The following SLCO2B1 variants were observed in gnomAD, a reference collection of about 807,000 sequenced individuals.
SLCO2B1 encodes the protein solute carrier organic anion transporter family member 2B1.
SLCO2B1 carries 41 observed loss-of-function variants against 67.3 expected under a neutral mutation model. The ratio of observed to expected loss-of-function variants is 0.61; its 90% CI spans 0.47 to 0.79. The LOEUF is 0.79. Ranked by LOEUF, SLCO2B1 falls within the 30% of genes least tolerant of loss-of-function variation. The pLI, the probability that SLCO2B1 is intolerant of heterozygous loss-of-function variation, is 0.00. For synonymous variants in SLCO2B1, 379 were observed against 381.4 expected (o/e 0.99, Z 0.07); for missense variants, 837 against 920.1 (o/e 0.91, Z 1.17).
chr11:75,203,035 G>A, intron 12 of SLCO2B1, 70 bp downstream of exon 12: 1 of 1,378,158 alleles, frequency 7.3e-7, no homozygotes, highest in East Asian at 2.3e-5. Flanking sequence ...CCAGGCCTGG[G>A]GCACAGGCAT....
At chr11:75,170,103 G>T (rs1041687992) in intron 6 of SLCO2B1, 4 of 277,288 alleles carry the variant, frequency 1.4e-5, no homozygotes, top group African/African-American at 2.2e-5. Flanking sequence ...CACACATGCT[G>T]TGGGGCAGGT....
chr11:75,171,418 G>A (rs1447005587), intron 6 of SLCO2B1, among the ~76,000 whole-genome samples: 1 of 152,068 alleles, frequency 6.6e-6, no homozygotes, highest in Non-Finnish European at 1.5e-5. Context: ...CATCACACCT[G>A]GGTAACTTTT....
chr11:75,183,085 A>G (rs888602207), intron 7 of SLCO2B1, among the ~76,000 whole-genome samples: 2 of 152,252 alleles, frequency 1.3e-5, no homozygotes, highest in Admixed American at 6.5e-5. Context: ...GTCCAAAAGA[A>G]ATGTTATATG....
At chr11:75,170,490 C>T (rs1464917810) in intron 6 of SLCO2B1, among the ~76,000 whole-genome samples, 6 of 152,150 alleles carry the variant, frequency 3.9e-5, no homozygotes, top group South Asian at 2.1e-4. Context: ...TGTTAGAGCA[C>T]GTCACTGTGG....
intron 1 of SLCO2B1, chr11:75,152,578 C>G (rs1312975512): frequency 6.6e-6 from 1 of 152,306 alleles, no homozygotes; most frequent in Non-Finnish European, 1.5e-5. Context: ...AACCAAATTC[C>G]CCATCAGCCT....
At chr11:75,172,018 G>C (rs1220277834) in intron 6 of SLCO2B1, among the ~76,000 whole-genome samples, 1 of 152,186 alleles carries the variant, frequency 6.6e-6, no homozygotes, top group Non-Finnish European at 1.5e-5. Flanking sequence ...ACAGTCCTAT[G>C]ATTTGGAAGC....
intron 1 of SLCO2B1, among the ~76,000 whole-genome samples, chr11:75,153,160 G>C (rs1313256468): frequency 6.6e-6 from 1 of 152,202 alleles, no homozygotes; most frequent in East Asian, 1.9e-4. Flanking sequence ...CATTTGCCCT[G>C]TTTTCCAACT....
At chr11:75,162,427 T>C (rs1311825504) in intron 1 of SLCO2B1, among the ~76,000 whole-genome samples, 2 of 152,174 alleles carry the variant, frequency 1.3e-5, no homozygotes, top group Admixed American at 6.5e-5. Context: ...CAGTAGGTAT[T>C]TGATCAGTAG....
chr11:75,182,105 C>A (rs1713081571), intron 7 of SLCO2B1, among the ~76,000 whole-genome samples: 1 of 152,196 alleles, frequency 6.6e-6, no homozygotes, highest in Non-Finnish European at 1.5e-5. Context: ...CTGTGTCCTG[C>A]ACAAGACCTC....
At chr11:75,187,867 A>T (rs1355676517) in intron 7 of SLCO2B1, among the ~76,000 whole-genome samples, 3 of 152,222 alleles carry the variant, frequency 2.0e-5, no homozygotes, top group Non-Finnish European at 4.4e-5. Context: ...GATTATTATG[A>T]TGTTAATAGT....
At chr11:75,159,362 A>G (rs943524854) in intron 1 of SLCO2B1, among the ~76,000 whole-genome samples, 6 of 152,300 alleles carry the variant, frequency 3.9e-5, no homozygotes, top group Admixed American at 1.3e-4. Flanking sequence ...TTTTTAAACT[A>G]GGGCCTGGCT....
At position 75,152,950 on chromosome 11, in the gene SLCO2B1, G is replaced by A. The variant is rs191597842; in HGVS notation, c.16+1553G>A. Among the ~76,000 whole-genome samples, 655 of 152,280 alleles carry A rather than the reference G, an allele frequency of 4.3e-3. 3 individuals are homozygous for A. The highest frequency in any genetic ancestry group is 7.3e-3 in the Non-Finnish European group (497 of 68,018). On this transcript the variant is annotated intron_variant, in intron 1 of 13. Coordinates refer to ENST00000289575, the MANE Select transcript of SLCO2B1 (RefSeq NM_007256.5). ...GGAGAGGGGAAGCTGTCCCAGTCAG[G>A]GCAGACACCAGAGAGGAGTGAAGTT...
chr11:75,151,324 C>T lies in SLCO2B1; in HGVS notation c.-58C>T. Reference sequence around the variant, plus strand: ...GAGAAGATTTGCTTCCTCTCCCCTGCTAAGCTCCAGGTCCTGAGATTAAAT... The same window carrying T: ...GAGAAGATTTGCTTCCTCTCCCCTGTTAAGCTCCAGGTCCTGAGATTAAAT... On this transcript the variant is annotated 5_prime_UTR_variant, in exon 1 of 14. Transcript: ENST00000289575. The T allele has an allele frequency of 6.4e-7, 1 of 1,568,276 alleles. No individual in the cohort carries two copies.
At position 75,206,025 on chromosome 11, in the gene SLCO2B1, G is replaced by T. The variant is rs1367749479; in HGVS notation, c.*1445G>T. The T allele has an allele frequency of 2.0e-5, 3 of 152,236 alleles. No individual in the cohort carries two copies. The highest frequency in any genetic ancestry group is 2.9e-5 in the Non-Finnish European group (2 of 68,046). 9.4% of individuals were successfully genotyped at this position (152,236 alleles called of 1,614,324 possible). ...ACTTTCCCACATGATAAAAGAAAAG[G>T]GAGGTACAGAAGTTCCAATTCCCTT... is the stretch of plus-strand genomic sequence containing the variant. On this transcript the variant is annotated 3_prime_UTR_variant, in exon 14 of 14. Coordinates refer to ENST00000289575, the MANE Select transcript of SLCO2B1 (RefSeq NM_007256.5).
chr11:75,204,291 T>C (rs1945235769), intron 13 of SLCO2B1, 109 bp from the exon 14 acceptor site: 2 of 1,148,804 alleles, frequency 1.7e-6, no homozygotes, highest in Middle Eastern at 2.4e-4. Context: ...CAGAGGTCAA[T>C]GTCTCCCTGA....
chr11:75,182,924 C>T (rs1319013762), intron 7 of SLCO2B1, among the ~76,000 whole-genome samples: 2 of 141,308 alleles, frequency 1.4e-5, no homozygotes, highest in African/African-American at 3.2e-5. Flanking sequence ...AGGCTGTTCT[C>T]CTGCTTCCTG....
chr11:75,165,070 C>A (rs921080825), intron 3 of SLCO2B1, among the ~76,000 whole-genome samples: 19 of 152,160 alleles, frequency 1.2e-4, no homozygotes, highest in African/African-American at 4.6e-4. Flanking sequence ...AGAGACTGTC[C>A]CTGCCCTGCA....
Position 75,174,911 on chromosome 11 carries a change from C to T in SLCO2B1, c.972+2342C>T, listed in dbSNP as rs1046208620. On this transcript the variant is annotated intron_variant, in intron 7 of 13. Transcript: ENST00000289575. ...TGACCTTGAGCAGCAAGCCACTTCC[C>T]CATTCTGTGCTGCTGTGTAAGATGC... Among the ~76,000 whole-genome samples, 3 of 152,318 alleles carry T rather than the reference C, an allele frequency of 2.0e-5. No homozygotes were observed. In the East Asian group the frequency reaches 5.8e-4, roughly 29 times the overall value.
intron 7 of SLCO2B1, among the ~76,000 whole-genome samples, chr11:75,173,334 G>C (rs1225619043): frequency 6.6e-6 from 1 of 152,262 alleles, no homozygotes; most frequent in Non-Finnish European, 1.5e-5. Context: ...GAGAGCAACA[G>C]AGATTCTAGG....
Sources: gnomAD v4.1 joint callset for allele counts (sites outside exome capture counted in the v4.1 genomes callset) on GRCh38, gnomAD v4.1.1 for gene constraint, MANE v1.5 for transcripts, NCBI Gene and HGNC (gene_info 2026-07-23, HGNC 2026-07-21) for gene names.